Variants in SCYL1 observed in about 807,000 individuals in gnomAD.
SCYL1 encodes SCY1 like pseudokinase 1.
In SCYL1, 85 loss-of-function variants were observed where a neutral mutation model predicts 94.8. That is an observed-to-expected ratio of 0.90 (90% CI 0.75 to 1.07). The LOEUF is 1.07. Ranked by LOEUF, SCYL1 falls within the 50% of genes least tolerant of loss-of-function variation. The pLI is 0.00. For synonymous variants in SCYL1, 459 were observed against 435.5 expected, an observed-to-expected ratio of 1.05 and a Z score of -0.67; for missense variants, 968 against 1,083.3, an observed-to-expected ratio of 0.89 and a Z score of 1.49.
In SCYL1 at chr11:65,537,026, T is replaced by G; in HGVS notation, c.1857T>G (p.Pro619=). Residue 619 remains proline (P), a synonymous_variant, in exon 14 of 18, where the codon CCT becomes CCG. Coordinates refer to ENST00000270176, the MANE Select transcript of SCYL1 (RefSeq NM_020680.4). ...CCCCCACCCCTGTTCCTGCCACCCC[T>G]ACAACCTCAGGCCACTGGGAGACGC... ...APAPTPVPAT[P]TTSGHWETQE... is the part of the protein sequence containing the mutation. The G allele has an allele frequency of 7.3e-7, 1 of 1,368,986 alleles. No homozygotes were observed. The allele number at this position is 1,368,986 out of a possible 1,614,324, so 84.8% of individuals were successfully genotyped here.
intron 17 of SCYL1, 49 bp downstream of exon 17, chr11:65,538,373 C>G: frequency 6.5e-7 from 1 of 1,539,822 alleles, no homozygotes; most frequent in South Asian, 1.2e-5. Context: ...CCCGACTAGC[C>G]CGCCCCTACA....
rs3814753 is a variant in SCYL1, at chr11:65,531,462, C to A, written c.1009-114C>A. 1.6e-4 allele frequency: 120 copies of A among 743,990 alleles called. No homozygotes were observed. In the East Asian group the frequency reaches 2.0e-3, roughly 12 times the overall value. The allele number at this position is 743,990 out of a possible 1,614,324, so 46.1% of individuals were successfully genotyped here. ...AGCTACTGAGGAAATGCCTGCCCCC[C>A]CCTCCGCCATCACTTCATTCCCACC... On this transcript the variant is annotated intron_variant, in intron 7 of 17. Coordinates refer to ENST00000270176, the MANE Select transcript of SCYL1 (RefSeq NM_020680.4).
At position 65,525,938 on chromosome 11, in the gene SCYL1, C is replaced by G. The variant is rs763803021; in HGVS notation, c.270C>G (p.His90Gln). The G allele has an allele frequency of 6.2e-7, 1 of 1,613,524 alleles. No homozygotes were observed. The highest frequency in any genetic ancestry group is 1.3e-5 in the African/African-American group (1 of 75,038). The change falls in exon 3 of 18, where the codon CAC becomes CAG. Residue 90 changes from histidine (H) to glutamine (Q), a missense_variant. Transcript: ENST00000270176. Reference sequence around the variant, plus strand: ...TTCCCCAGACAGAAAAATGCCTCCACGTCGTGACAGAGGCTGTGACCCCGT... The same window carrying G: ...TTCCCCAGACAGAAAAATGCCTCCAGGTCGTGACAGAGGCTGTGACCCCGT... ...IDGLETEKCLHVVTEAVTPLG... is the reference protein window; with the variant it reads ...IDGLETEKCLQVVTEAVTPLG...
At chr11:65,535,766 C>T (rs1855605252) in intron 10 of SCYL1, 187 bp from the exon 11 acceptor site, 6 of 633,652 alleles carry the variant, frequency 9.5e-6, no homozygotes, top group Non-Finnish European at 1.3e-5. Context: ...AGTGTGGAAC[C>T]CAGTGATTTG....
chr11:65,536,834 C>T lies in SCYL1; in HGVS notation c.1816+84C>T, dbSNP rs551095058. On this transcript the variant is annotated intron_variant, in intron 13 of 17. Coordinates refer to ENST00000270176, the MANE Select transcript of SCYL1 (RefSeq NM_020680.4). The stretch of plus-strand genomic sequence containing the variant: ...AGGAACTCTTACTGTCTGACTCCCC[C>T]GGGGATGGTGAAGGGGATATAGGAG... The T allele has an allele frequency of 8.8e-5, 129 of 1,464,108 alleles. No individual in the cohort carries two copies. The African/African-American group carries it at 1.2e-3, about 13-fold the overall frequency. 90.7% of individuals were successfully genotyped at this position (1,464,108 alleles called of 1,614,324 possible).
Position 65,527,032 on chromosome 11 carries a change from C to G in SCYL1, c.764C>G (p.Ala255Gly), listed in dbSNP as rs1479239585. 3.7e-6 allele frequency: 6 copies of G among 1,613,422 alleles called. No individual in the cohort carries two copies. The highest frequency in any genetic ancestry group is 5.1e-6 in the Non-Finnish European group (6 of 1,180,000). The change falls in exon 6 of 18, where the codon GCC becomes GGC. Residue 255 changes from alanine to glycine, a missense_variant. Ala to Gly is a moderately conservative substitution (Grantham distance 60). Coordinates refer to ENST00000270176, the MANE Select transcript of SCYL1 (RefSeq NM_020680.4). Reference sequence around the variant, plus strand: ...AACCCCAAGGTGCGTCCCAACCCAGCCCGCTTCCTGCAGAACTGCCGGGCA... The same window carrying G: ...AACCCCAAGGTGCGTCCCAACCCAGGCCGCTTCCTGCAGAACTGCCGGGCA... ...GANPKVRPNPARFLQNCRAPG... is the reference protein window; with the variant it reads ...GANPKVRPNPGRFLQNCRAPG...
At chr11:65,535,512 A>T in intron 10 of SCYL1, 130 bp downstream of exon 10, 1 of 1,204,186 alleles carries the variant, frequency 8.3e-7, no homozygotes, top group East Asian at 2.5e-5. Context: ...TGTTGGCCCC[A>T]TATCTGGGTT....
In SCYL1 at chr11:65,525,699, C is replaced by T; in HGVS notation, c.237C>T (p.Tyr79=). 4 of 1,612,806 alleles carry T rather than the reference C, an allele frequency of 2.5e-6. No homozygotes were observed. Among genetic ancestry groups the T allele is most frequent in the Non-Finnish European group, 3.4e-6 (4 of 1,179,906 alleles). The change falls in exon 2 of 18, where the codon TAC becomes TAT. Residue 79 remains tyrosine, a synonymous_variant. Transcript: ENST00000270176. ...KTLRHPNILA[Y]IDGLETEKCL... is the part of the protein sequence containing the mutation. ...TACGGCACCCCAACATCCTGGCTTA[C>T]ATCGATGGACTGGAGGTACCTGCTG...
chr11:65,527,736 A>AG (rs1855160995), intron 6 of SCYL1, among the ~76,000 whole-genome samples: 1 of 152,034 alleles, frequency 6.6e-6, no homozygotes, highest in Non-Finnish European at 1.5e-5. Flanking sequence ...CGTCTCAAAA[A>AG]AAAAAAAAAA....
At chr11:65,533,893 T>G (rs1855515778) in intron 9 of SCYL1, among the ~76,000 whole-genome samples, 1 of 152,114 alleles carries the variant, frequency 6.6e-6, no homozygotes, top group African/African-American at 2.4e-5. Flanking sequence ...GAGACCAGCC[T>G]GGCCAACATG....
At position 65,535,957 on chromosome 11, in the gene SCYL1, G is replaced by C. The variant is rs1286450999; in HGVS notation, c.1391G>C (p.Arg464Thr). ...CTCTTTCCTGCCCCATCGTAGACCA[G>C]ACACAGGGTCCTTACCTCTGCCTTC... ...KIGSYLSAST[R>T]HRVLTSAFSR... The change falls in exon 11 of 18, where the codon AGA (arginine) becomes ACA (threonine). Residue 464 changes from arginine (R) to threonine (T), a missense_variant. By Grantham distance (71) the Arg-to-Thr change is moderately conservative. This residue lies in a region of SCYL1 where 474 missense variants were observed against 463.6 expected (regional missense o/e 1.02). Coordinates refer to ENST00000270176, the MANE Select transcript of SCYL1 (RefSeq NM_020680.4). The C allele has an allele frequency of 6.3e-7, 1 of 1,588,340 alleles. No homozygotes were observed. The highest frequency in any genetic ancestry group is 1.7e-4 in the Middle Eastern group (1 of 5,920).
chr11:65,531,596 T>C lies in SCYL1; in HGVS notation c.1029T>C (p.Ala343=). 6.2e-7 allele frequency: 1 copy of C among 1,613,942 alleles called. No homozygotes were observed. The highest frequency in any genetic ancestry group is 8.5e-7 in the Non-Finnish European group (1 of 1,179,876). The change falls in exon 8 of 18, where the codon GCT becomes GCC. Residue 343 remains alanine (A), a synonymous_variant. Coordinates refer to ENST00000270176, the MANE Select transcript of SCYL1 (RefSeq NM_020680.4). The part of the protein sequence containing the change: ...PLFKVGKFLS[A]EEYQQKIIPV... ...TTCAGGTGGGCAAGTTCCTGAGCGC[T>C]GAGGAGTATCAGCAGAAGATCATCC...
At chr11:65,529,732 C>G (rs1855276265) in intron 6 of SCYL1, among the ~76,000 whole-genome samples, 2 of 152,198 alleles carry the variant, frequency 1.3e-5, no homozygotes, top group Non-Finnish European at 2.9e-5. Context: ...GGCTGCTGAC[C>G]TTGACCCTCT....
In SCYL1 at chr11:65,526,308, C is replaced by G. The variant is rs367912230; in HGVS notation, c.560C>G (p.Pro187Arg). The change falls in exon 4 of 18, where the codon CCG (proline) becomes CGG (arginine). Residue 187 changes from proline (P) to arginine (R), a missense_variant. Pro to Arg is a moderately radical substitution (Grantham distance 103). Coordinates refer to ENST00000270176, the MANE Select transcript of SCYL1 (RefSeq NM_020680.4). The surrounding 1 kb of genome is among the most constrained non-coding windows in gnomAD (Gnocchi z 4.1). Reference sequence around the variant, plus strand: ...CCCGAGCTTGAGCAGTATGACCCCCCGGAGTTGGCTGACAGCAGTGGCAGA... The same window carrying G: ...CCCGAGCTTGAGCAGTATGACCCCCGGGAGTTGGCTGACAGCAGTGGCAGA... ...GIPELEQYDPPELADSSGRVV... is the reference protein window; with the variant it reads ...GIPELEQYDPRELADSSGRVV... The G allele has an allele frequency of 3.1e-6, 5 of 1,608,728 alleles. No homozygotes were observed. Among genetic ancestry groups the G allele is most frequent in the East Asian group, 4.5e-5 (2 of 44,740 alleles).
chr11:65,525,895 T>A (rs770689289), intron 2 of SCYL1, 26 bp from the exon 3 acceptor site: 1 of 1,609,078 alleles, frequency 6.2e-7, no homozygotes, highest in Non-Finnish European at 8.5e-7. Flanking sequence ...CCTCCGCCCT[T>A]GATAACCCTG....
chr11:65,530,661 C>G lies in SCYL1; in HGVS notation c.882C>G (p.Phe294Leu). 1 of 1,613,896 alleles carries G rather than the reference C, an allele frequency of 6.2e-7. No individual in the cohort carries two copies. The highest frequency in any genetic ancestry group is 8.5e-7 in the Non-Finnish European group (1 of 1,179,910). The change falls in exon 7 of 18, where the codon TTC becomes TTG. Residue 294 changes from phenylalanine (F) to leucine (L), a missense_variant. Physicochemically the swap from Phe to Leu is conservative, Grantham distance 22. Around this residue, in one of 2 missense-constraint regions of SCYL1, gnomAD observed 494 missense variants for 619.7 expected, o/e 0.80. Coordinates refer to ENST00000270176, the MANE Select transcript of SCYL1 (RefSeq NM_020680.4). ...AGCCAGCCGAGAAGCAAAAATTCTT[C>G]CAGGAGCTGAGCAAGAGCCTGGACG... is the stretch of plus-strand genomic sequence containing the variant. ...IKEPAEKQKF[F>L]QELSKSLDAF...
At position 65,530,827 on chromosome 11, in the gene SCYL1, A is replaced by G. The variant is rs766862023; in HGVS notation, c.1008+40A>G. ...GGGGTCCAGAAGGCTGGCTGGGTGC[A>G]CAGGAACTGCCAAAGAGAAGGCCCT... On this transcript the variant is annotated intron_variant, in intron 7 of 17. Coordinates refer to ENST00000270176, the MANE Select transcript of SCYL1 (RefSeq NM_020680.4). 1.9e-6 allele frequency: 3 copies of G among 1,573,810 alleles called. No individual in the cohort carries two copies. In the South Asian group the frequency reaches 3.5e-5, roughly 18 times the overall value.
At chr11:65,536,427 C>A in intron 12 of SCYL1, 93 bp downstream of exon 12, 1 of 1,456,278 alleles carries the variant, frequency 6.9e-7, no homozygotes, top group Non-Finnish European at 9.5e-7. Context: ...TCTGAAAGGT[C>A]CTAGTGAGCA....
chr11:65,532,896 T>C (rs999395960), intron 9 of SCYL1, 91 bp downstream of exon 9: 18 of 955,886 alleles, frequency 1.9e-5, no homozygotes, highest in Non-Finnish European at 2.8e-5. Context: ...CTTTGGCCCA[T>C]GGGTCCAAGC....
Sources: gnomAD v4.1 joint callset for allele counts (sites outside exome capture counted in the v4.1 genomes callset) on GRCh38, gnomAD v4.1.1 for gene constraint, gnomAD v4.1.1 regional missense constraint, Gnocchi (gnomAD v3.1) non-coding constraint, MANE v1.5 for transcripts, NCBI Gene and HGNC (gene_info 2026-07-23, HGNC 2026-07-21) for gene names.